RBFOX1: variants seen among roughly 807,000 people sequenced by gnomAD.
The protein encoded by RBFOX1 is RNA binding protein fox-1 homolog 1.
Under a neutral mutation model 57.7 loss-of-function variants are expected in RBFOX1, and 8 were observed. That is an observed-to-expected ratio of 0.14 (90% CI 0.08 to 0.25). RBFOX1 has a LOEUF of 0.25. Ranked by LOEUF, RBFOX1 falls within the 10% of genes least tolerant of loss-of-function variation. The pLI is 1.00. For synonymous variants in RBFOX1, 326 were observed against 222.4 expected, an observed-to-expected ratio of 1.47 and a Z score of -4.15; for missense variants, 611 against 548.5, an observed-to-expected ratio of 1.11 and a Z score of -1.14.
chr16:6,169,837 T>TCACTGCAAC (rs145921753), intron 1 of RBFOX1, among the ~76,000 whole-genome samples: 55,516 of 151,520 alleles, frequency 0.37, 10,362 homozygotes, highest in Admixed American at 0.48. Flanking sequence ...CAATCTCAGC[T>TCACTGCAAC]CACTGCAACC....
chr16:5,994,432 G>C (rs957789930), intron 4 of RBFOX1, among the ~76,000 whole-genome samples: 2 of 152,210 alleles, frequency 1.3e-5, no homozygotes, highest in African/African-American at 2.4e-5. Context: ...AAAGTGCTGG[G>C]ATTACAAGCA....
At chr16:5,943,032 G>A (rs1355700669) in intron 4 of RBFOX1, among the ~76,000 whole-genome samples, 1 of 152,108 alleles carries the variant, frequency 6.6e-6, no homozygotes, top group African/African-American at 2.4e-5. Context: ...CAGTATGGGG[G>A]GCCATGACCC....
intron 3 of RBFOX1, among the ~76,000 whole-genome samples, chr16:7,048,826 C>G (rs567073610): frequency 3.3e-5 from 5 of 152,122 alleles, no homozygotes; most frequent in Non-Finnish European, 5.9e-5. Flanking sequence ...TTAGGAGACT[C>G]TAGGTCTTGT....
At chr16:7,662,598 T>G (rs1300241675) in intron 12 of RBFOX1, among the ~76,000 whole-genome samples, 6 of 152,156 alleles carry the variant, frequency 3.9e-5, no homozygotes, top group Non-Finnish European at 7.4e-5. Flanking sequence ...GCTTTTAAGG[T>G]GCAACGAGTC....
intron 1 of RBFOX1, among the ~76,000 whole-genome samples, chr16:5,446,995 G>A (rs1423055087): frequency 6.6e-5 from 10 of 152,142 alleles, no homozygotes; most frequent in Non-Finnish European, 2.9e-5. Flanking sequence ...TAAGTGATCT[G>A]AATCCATACC....
intron 3 of RBFOX1, among the ~76,000 whole-genome samples, chr16:5,607,778 T>C (rs1307796143): frequency 6.6e-6 from 1 of 152,220 alleles, no homozygotes; most frequent in Non-Finnish European, 1.5e-5. Flanking sequence ...TCTCTATAAA[T>C]GGACCCCTGC....
At chr16:6,769,916 T>C (rs2078015569) in intron 3 of RBFOX1, among the ~76,000 whole-genome samples, 1 of 152,168 alleles carries the variant, frequency 6.6e-6, no homozygotes, top group South Asian at 2.1e-4. Context: ...CATAAGTCTG[T>C]TGTTTAGAGG....
chr16:7,464,504 C>T (rs1336724156), intron 4 of RBFOX1, among the ~76,000 whole-genome samples: 1 of 151,896 alleles, frequency 6.6e-6, no homozygotes, highest in African/African-American at 2.4e-5. Flanking sequence ...TTGCCAAGGC[C>T]TATTGGACCT....
At chr16:7,069,134 C>G (rs2056792519) in intron 4 of RBFOX1, among the ~76,000 whole-genome samples, 1 of 151,042 alleles carries the variant, frequency 6.6e-6, no homozygotes, top group Non-Finnish European at 1.5e-5. Flanking sequence ...ATGTCAAAAG[C>G]TGGCTATGAA....
chr16:5,870,660 T>C (rs1320559414), intron 4 of RBFOX1, among the ~76,000 whole-genome samples: 1 of 152,024 alleles, frequency 6.6e-6, no homozygotes, highest in Non-Finnish European at 1.5e-5. Context: ...GGCTGAATTA[T>C]CATTGCTGCA....
At position 6,606,051 on chromosome 16, in the gene RBFOX1, A is replaced by C. The variant is rs1006443669; in HGVS notation, c.-63-48552A>C. On this transcript the variant is annotated intron_variant, in intron 2 of 15. Coordinates refer to ENST00000550418, the MANE Select transcript of RBFOX1 (RefSeq NM_018723.4). ...TTGAACCCAGGAGGTGGAGGTTGCA[A>C]TGAGCCGAGATCACGCCCCTGCACT... Among the ~76,000 whole-genome samples, 5 of 151,962 alleles carry C rather than the reference A, an allele frequency of 3.3e-5. No homozygotes were observed. In the South Asian group the frequency reaches 8.3e-4, roughly 25 times the overall value.
chr16:7,141,565 G>A (rs2073796131), intron 4 of RBFOX1, among the ~76,000 whole-genome samples: 1 of 152,142 alleles, frequency 6.6e-6, no homozygotes, highest in Non-Finnish European at 1.5e-5. Context: ...ATTTTGGAAG[G>A]TGGGGCCATT....
At chr16:5,917,398 G>T (rs914676207) in intron 4 of RBFOX1, among the ~76,000 whole-genome samples, 2 of 152,160 alleles carry the variant, frequency 1.3e-5, no homozygotes, top group Non-Finnish European at 2.9e-5. Flanking sequence ...TAAGAGATTT[G>T]GTGCTTTCAG....
chr16:7,019,742 C>T (rs2094111473), intron 3 of RBFOX1, among the ~76,000 whole-genome samples: 1 of 152,188 alleles, frequency 6.6e-6, no homozygotes, highest in African/African-American at 2.4e-5. Context: ...TCAAACACTG[C>T]ATGTTTATGG....
At chr16:7,487,135 G>A (rs1249300861) in intron 4 of RBFOX1, among the ~76,000 whole-genome samples, 1 of 152,024 alleles carries the variant, frequency 6.6e-6, no homozygotes, top group Non-Finnish European at 1.5e-5. Flanking sequence ...CCTGACCTCA[G>A]GTGATTTACC....
At chr16:7,679,654 T>C (rs8043729) in intron 14 of RBFOX1, among the ~76,000 whole-genome samples, 91,617 of 151,784 alleles carry the variant, frequency 0.6, 28,401 homozygotes, top group Admixed American at 0.67. Flanking sequence ...GATTCAGGGA[T>C]CTTTGAAAAA....
chr16:6,724,189 C>T (rs2192353), intron 3 of RBFOX1, among the ~76,000 whole-genome samples: 22,271 of 149,660 alleles, frequency 0.15, 1,927 homozygotes, highest in Non-Finnish European at 0.17. Flanking sequence ...GATATGAGGA[C>T]GGCGAGAAGG....
chr16:7,071,629 A>G (rs1179033762), intron 4 of RBFOX1, among the ~76,000 whole-genome samples: 3 of 151,470 alleles, frequency 2.0e-5, no homozygotes, highest in African/African-American at 7.3e-5. Flanking sequence ...TTGTCTGTAT[A>G]CATAACCTGG....
At chr16:5,635,489 A>G (rs937555811) in intron 3 of RBFOX1, among the ~76,000 whole-genome samples, 1 of 152,236 alleles carries the variant, frequency 6.6e-6, no homozygotes, top group African/African-American at 2.4e-5. Context: ...TTCATTGATT[A>G]GAGCCTTCTG....
Sources: allele counts gnomAD v4.1 joint callset (sites outside exome capture counted in the v4.1 genomes callset), GRCh38; gene constraint gnomAD v4.1.1; transcripts MANE v1.5; gene names NCBI Gene and HGNC (gene_info 2026-07-23, HGNC 2026-07-21).